The following PSMA6 variants were observed in gnomAD, a reference collection of about 807,000 sequenced individuals.
The protein encoded by PSMA6 is proteasome 20S subunit alpha 6, also known as proteasome subunit alpha type-6.
For synonymous variants in PSMA6, 88 were observed against 97.7 expected (o/e 0.90, Z 0.59); for missense variants, 170 against 294.8 (o/e 0.58, Z 3.10).
intron 1 of PSMA6, among the ~76,000 whole-genome samples, chr14:35,295,360 C>T (rs531068137): frequency 6.6e-6 from 1 of 151,574 alleles, no homozygotes; most frequent in Non-Finnish European, 1.5e-5. Context: ...AGTTGTAATG[C>T]CAATCATAAT....
At position 35,292,419 on chromosome 14, in the gene PSMA6, G is replaced by T. The variant is rs372970614; in HGVS notation, c.-58G>T. On this transcript the variant is annotated 5_prime_UTR_variant, in exon 1 of 7. Coordinates refer to ENST00000261479, the MANE Select transcript of PSMA6 (RefSeq NM_002791.3). ...TGCAACTTCCGGGAGGTGCTTGTGT[G>T]CCTGGTGCGGGAGCTACGGGGCCCA... 2.1e-5 allele frequency: 33 copies of T among 1,578,216 alleles called. No individual in the cohort carries two copies. The highest frequency in any genetic ancestry group is 1.2e-4 in the African/African-American group (9 of 73,536).
chr14:35,312,698 T>C (rs17597267), intron 4 of PSMA6, 183 bp from the exon 5 acceptor site: 51,249 of 488,796 alleles, frequency 0.1, 3,073 homozygotes, highest in Middle Eastern at 0.14. Flanking sequence ...AATGGGAATT[T>C]ACCTGTTACC....
At chr14:35,304,600 C>CACA (rs2051786030) in intron 1 of PSMA6, among the ~76,000 whole-genome samples, 1 of 151,986 alleles carries the variant, frequency 6.6e-6, no homozygotes, top group Non-Finnish European at 1.5e-5. Context: ...CGTGGTTGTG[C>CACA]ACACCTGTAA....
chr14:35,315,041 A>C (rs2138760753), intron 6 of PSMA6: 1 of 151,428 alleles, frequency 6.6e-6, no homozygotes, highest in East Asian at 1.9e-4. Flanking sequence ...CCATGATTCA[A>C]ATCCATACTG....
chr14:35,291,770 C>T (rs1879090405), upstream of PSMA6, among the ~76,000 whole-genome samples: 2 of 148,676 alleles, frequency 1.3e-5, no homozygotes, highest in Admixed American at 6.8e-5. Context: ...TTGCAGTCAG[C>T]CGAGATCGCG....
rs879464553 is a variant in PSMA6, at chr14:35,308,761, A to T, written c.172-153A>T. 5.1e-5 allele frequency: 29 copies of T among 569,152 alleles called. 5 individuals carry two copies. The South Asian group carries it at 6.8e-4, about 13-fold the overall frequency. 35.3% of individuals were successfully genotyped at this position (569,152 alleles called of 1,614,324 possible). A position where few individuals can be genotyped will look rare whatever the true frequency, so the allele number is the denominator to read the frequency against. On this transcript the variant is annotated intron_variant, in intron 2 of 6. Transcript: ENST00000261479. Reference sequence around the variant, plus strand: ...TAAAATTGATTTTAACTATAAAATGATCAGAAGACATTTATTATACAGTTT... The same window carrying T: ...TAAAATTGATTTTAACTATAAAATGTTCAGAAGACATTTATTATACAGTTT...
intron 1 of PSMA6, among the ~76,000 whole-genome samples, chr14:35,304,523 A>G (rs566639937): frequency 2.0e-5 from 3 of 152,126 alleles, no homozygotes; most frequent in African/African-American, 7.2e-5. Flanking sequence ...TGAGGTCAGG[A>G]GTTCAAGACC....
intron 1 of PSMA6, among the ~76,000 whole-genome samples, chr14:35,283,449 T>C (rs1443629781): frequency 6.6e-6 from 1 of 151,908 alleles, no homozygotes; most frequent in African/African-American, 2.4e-5. Context: ...TTCCACAATG[T>C]CAATAGGTAT....
In PSMA6 at chr14:35,312,978, A is replaced by T. The variant is rs1424461720; in HGVS notation, c.507A>T (p.Gly169=). Reference sequence around the variant, plus strand: ...GTGGGTTTAAAGCCACTGCAGCGGGAGTTAAACAAACTGAGTCAACCAGCT... The same window carrying T: ...GTGGGTTTAAAGCCACTGCAGCGGGTGTTAAACAAACTGAGTCAACCAGCT... ...YYCGFKATAA[G]VKQTESTSFL... is the part of the protein sequence containing the mutation. Residue 169 remains glycine (G), a synonymous_variant, in exon 5 of 7, where the codon GGA becomes GGT. Coordinates refer to ENST00000261479, the MANE Select transcript of PSMA6 (RefSeq NM_002791.3). The T allele has an allele frequency of 3.8e-6, 6 of 1,583,328 alleles. No individual in the cohort carries two copies. The highest frequency in any genetic ancestry group is 3.4e-6 in the Non-Finnish European group (4 of 1,171,484).
chr14:35,314,947 A>ATGTG (rs59477296), intron 6 of PSMA6: 10,038 of 141,066 alleles, frequency 0.071, 504 homozygotes, highest in African/African-American at 0.14. Context: ...CAGTTGCTGG[A>ATGTG]TGTGTGTGTG....
At chr14:35,314,246 T>C (rs2051996910) in intron 5 of PSMA6, 115 bp from the exon 6 acceptor site, 1 of 1,212,824 alleles carries the variant, frequency 8.2e-7, no homozygotes, top group South Asian at 2.4e-5. Context: ...AACATTGAAC[T>C]ACCTCATTGA....
At chr14:35,306,868 C>T (rs2051836650) in intron 1 of PSMA6, among the ~76,000 whole-genome samples, 1 of 152,106 alleles carries the variant, frequency 6.6e-6, no homozygotes, top group African/African-American at 2.4e-5. Flanking sequence ...ATATGTTGGC[C>T]TGGCATGGTG....
chr14:35,304,346 G>A (rs1245841429), intron 1 of PSMA6, among the ~76,000 whole-genome samples: 1 of 152,196 alleles, frequency 6.6e-6, no homozygotes, highest in African/African-American at 2.4e-5. Context: ...TTTTATATCA[G>A]AGACTTGAGT....
In PSMA6 at chr14:35,314,590, C is replaced by T. The variant is rs1374890635; in HGVS notation, c.683+135C>T. The T allele has an allele frequency of 3.4e-6, 4 of 1,181,954 alleles. No individual in the cohort carries two copies. In the East Asian group the frequency reaches 1.2e-4, roughly 36 times the overall value. The allele number at this position is 1,181,954 out of a possible 1,614,324, so 73.2% of individuals were successfully genotyped here. ...TTGTTTGTGTGTTTGTTTTTTTCCC[C>T]AGCACCTGAGATCTGTTTTTAAAAC... On this transcript the variant is annotated intron_variant, in intron 6 of 6. Coordinates refer to ENST00000261479, the MANE Select transcript of PSMA6 (RefSeq NM_002791.3).
intron 1 of PSMA6, 71 bp downstream of exon 1, chr14:35,292,623 C>T: frequency 6.4e-7 from 1 of 1,573,968 alleles, no homozygotes; most frequent in South Asian, 1.2e-5. Flanking sequence ...AGCGAGCAGA[C>T]GCGGCCCGGG....
intron 1 of PSMA6, among the ~76,000 whole-genome samples, chr14:35,282,565 G>A (rs907162612): frequency 1.3e-5 from 2 of 151,924 alleles, no homozygotes; most frequent in African/African-American, 4.8e-5. Flanking sequence ...TAACCTAAAC[G>A]TAACTTTTAA....
At chr14:35,304,832 A>G (rs917356646) in intron 1 of PSMA6, among the ~76,000 whole-genome samples, 6 of 152,158 alleles carry the variant, frequency 3.9e-5, no homozygotes, top group African/African-American at 1.4e-4. Context: ...CTGTAATCCC[A>G]GCTACTCCAG....
chr14:35,314,628 T>C, intron 6 of PSMA6, 173 bp downstream of exon 6: 3 of 749,490 alleles, frequency 4.0e-6, no homozygotes, highest in Non-Finnish European at 5.6e-6. Context: ...TGGACTCTAT[T>C]TAAGAGTCAG....
intron 3 of PSMA6, chr14:35,310,177 TTC>T: frequency 2.5e-6 from 1 of 395,806 alleles, no homozygotes; most frequent in South Asian, 1.7e-5. Context: ...AGAAAGATTA[TTC>T]TCTCTCAAGG....
Sources: allele counts gnomAD v4.1 joint callset (sites outside exome capture counted in the v4.1 genomes callset), GRCh38; gene constraint gnomAD v4.1.1; transcripts MANE v1.5; gene names NCBI Gene and HGNC (gene_info 2026-07-23, HGNC 2026-07-21).